The following ERBB4 variants were observed in gnomAD, a reference collection of about 807,000 sequenced individuals.
ERBB4 encodes the protein receptor tyrosine-protein kinase erbB-4.
Under a neutral mutation model 158.0 loss-of-function variants are expected in ERBB4, and 42 were observed. The ratio of observed to expected loss-of-function variants is 0.27; its 90% CI spans 0.21 to 0.34. ERBB4 has a LOEUF of 0.34. Ranked by LOEUF, ERBB4 falls within the 10% of genes least tolerant of loss-of-function variation. The pLI, the probability that ERBB4 is intolerant of heterozygous loss-of-function variation, is 1.00. For missense variants in ERBB4, 1,333 were observed against 1,624.1 expected, an observed-to-expected ratio of 0.82 and a Z score of 3.08; for synonymous variants, 583 against 558.7, an observed-to-expected ratio of 1.04 and a Z score of -0.61.
chr2:211,475,273 CTT>C (rs1236061150), intron 20 of ERBB4, among the ~76,000 whole-genome samples: 2 of 151,986 alleles, frequency 1.3e-5, no homozygotes, highest in Non-Finnish European at 2.9e-5. Context: ...ATTAGAATCT[CTT>C]TTTGTTTTGC....
rs187883451 is a variant in ERBB4, at chr2:211,906,965, T to C, written c.421+40465A>G. On this transcript the variant is annotated intron_variant, in intron 3 of 27. Transcript: ENST00000342788. ...GGTCATTGGTATAAAGAGGCAGTGG[T>C]GTGTACCAGCGCTTGATTGTGCCAT... 1.2e-4 allele frequency among the ~76,000 whole-genome samples: 18 copies of C among 151,770 alleles called. 1 individual carries two copies. In the East Asian group the frequency reaches 3.6e-3, roughly 30 times the overall value.
At chr2:212,378,273 G>A (rs2090391870) in intron 1 of ERBB4, among the ~76,000 whole-genome samples, 1 of 151,714 alleles carries the variant, frequency 6.6e-6, no homozygotes, top group Non-Finnish European at 1.5e-5. Context: ...ACAGAATACT[G>A]TTCTATATGC....
chr2:211,917,345 C>G (rs190330391), intron 3 of ERBB4, among the ~76,000 whole-genome samples: 69 of 152,228 alleles, frequency 4.5e-4, no homozygotes, highest in African/African-American at 1.6e-3. Context: ...TTTCCCGGCT[C>G]TTAGGGAGCT....
At chr2:211,727,856 T>C (rs1267972017) in intron 5 of ERBB4, among the ~76,000 whole-genome samples, 1 of 152,026 alleles carries the variant, frequency 6.6e-6, no homozygotes, top group Non-Finnish European at 1.5e-5. Flanking sequence ...TGTCATGTTT[T>C]TTATTTTGTA....
intron 2 of ERBB4, among the ~76,000 whole-genome samples, chr2:212,003,193 G>GA (rs1463531838): frequency 8.2e-4 from 53 of 64,498 alleles, no homozygotes; most frequent in Admixed American, 8.0e-3. Context: ...AAGAAAGAAA[G>GA]AAAGAAAGAA....
chr2:212,320,149 A>C (rs2087492511), intron 1 of ERBB4, among the ~76,000 whole-genome samples: 1 of 148,324 alleles, frequency 6.7e-6, no homozygotes, highest in Non-Finnish European at 1.5e-5. Flanking sequence ...GGATGGAAAA[A>C]GTCTGATATG....
intron 2 of ERBB4, among the ~76,000 whole-genome samples, chr2:212,006,440 T>C (rs758736233): frequency 1.3e-4 from 20 of 152,118 alleles, no homozygotes; most frequent in Non-Finnish European, 2.5e-4. Flanking sequence ...ATATTTCTAG[T>C]TATAGTCTCC....
chr2:212,396,683 A>G (rs1287991752), intron 1 of ERBB4, among the ~76,000 whole-genome samples: 1 of 152,188 alleles, frequency 6.6e-6, no homozygotes, highest in African/African-American at 2.4e-5. Flanking sequence ...CTGGTTCACA[A>G]TACCTACTTA....
chr2:211,899,785 A>T (rs2079186986), intron 3 of ERBB4, among the ~76,000 whole-genome samples: 1 of 152,136 alleles, frequency 6.6e-6, no homozygotes, highest in South Asian at 2.1e-4. Flanking sequence ...TTAATGATAG[A>T]TTGCTACTTC....
intron 1 of ERBB4, among the ~76,000 whole-genome samples, chr2:212,239,872 T>C (rs1016648896): frequency 1.3e-5 from 2 of 152,164 alleles, no homozygotes; most frequent in African/African-American, 4.8e-5. Flanking sequence ...TAACAAGCTT[T>C]TTAGAGGGGG....
chr2:212,512,157 G>A (rs1691558948), intron 1 of ERBB4, among the ~76,000 whole-genome samples: 2 of 152,222 alleles, frequency 1.3e-5, no homozygotes, highest in African/African-American at 4.8e-5. Flanking sequence ...TATTCTGCCA[G>A]CAAGGAAGAG....
intron 20 of ERBB4, among the ~76,000 whole-genome samples, chr2:211,517,320 C>T (rs879275264): frequency 5.9e-5 from 9 of 151,948 alleles, no homozygotes; most frequent in Admixed American, 1.3e-4. Context: ...TATAAAGTTG[C>T]TATAAGTAGT....
At chr2:211,445,711 T>G (rs568113418) in intron 20 of ERBB4, among the ~76,000 whole-genome samples, 15 of 152,292 alleles carry the variant, frequency 9.8e-5, no homozygotes, top group Admixed American at 4.6e-4. Flanking sequence ...AACAAGGATT[T>G]GAAGAACGGT....
intron 3 of ERBB4, among the ~76,000 whole-genome samples, chr2:211,917,997 G>C (rs988870183): frequency 6.6e-6 from 1 of 152,160 alleles, no homozygotes; most frequent in Non-Finnish European, 1.5e-5. Flanking sequence ...AGAATGGAGA[G>C]AAAACATGAA....
chr2:212,142,569 G>C (rs2080517538), intron 1 of ERBB4, among the ~76,000 whole-genome samples: 1 of 147,656 alleles, frequency 6.8e-6, no homozygotes, highest in Non-Finnish European at 1.5e-5. Context: ...AGGTCAAACA[G>C]TTAAATAAAG....
At chr2:211,828,233 T>C (rs1279308614) in intron 3 of ERBB4, among the ~76,000 whole-genome samples, 3 of 152,178 alleles carry the variant, frequency 2.0e-5, no homozygotes, top group Admixed American at 6.6e-5. Flanking sequence ...ATCATATTCA[T>C]GGCAGAATAT....
At chr2:211,556,853 T>G (rs2067248984) in intron 20 of ERBB4, among the ~76,000 whole-genome samples, 1 of 152,132 alleles carries the variant, frequency 6.6e-6, no homozygotes, top group African/African-American at 2.4e-5. Context: ...TTACTCAACT[T>G]CAAGCTATAC....
intron 5 of ERBB4, among the ~76,000 whole-genome samples, chr2:211,739,495 C>T (rs571241211): frequency 1.3e-5 from 2 of 152,254 alleles, no homozygotes; most frequent in South Asian, 2.1e-4. Context: ...GACAGAGTCT[C>T]GCTCTGTCAC....
At chr2:212,126,921 T>A (rs1026488689) in intron 1 of ERBB4, among the ~76,000 whole-genome samples, 3 of 151,772 alleles carry the variant, frequency 2.0e-5, no homozygotes, top group African/African-American at 7.3e-5. Context: ...AAAATCTTAA[T>A]CCAAAAATCT....
Sources: allele counts gnomAD v4.1 joint callset (sites outside exome capture counted in the v4.1 genomes callset), GRCh38; gene constraint gnomAD v4.1.1; transcripts MANE v1.5; gene names NCBI Gene and HGNC (gene_info 2026-07-23, HGNC 2026-07-21).